The following RAD51B variants were observed in gnomAD, a reference collection of about 807,000 sequenced individuals.
RAD51B encodes the protein DNA repair protein RAD51 homolog 2.
In RAD51B, 38 loss-of-function variants were observed where a neutral mutation model predicts 42.2. The observed-to-expected ratio is 0.90, with a 90% CI of 0.70 to 1.18. RAD51B has a LOEUF of 1.18. Among genes scored for constraint, RAD51B ranks in the 50% most tolerant of loss-of-function variants. The pLI, the probability that RAD51B is intolerant of heterozygous loss-of-function variation, is 0.00. For synonymous variants in RAD51B, 154 were observed against 145.2 expected, an observed-to-expected ratio of 1.06 and a Z score of -0.43; for missense variants, 373 against 400.7, an observed-to-expected ratio of 0.93 and a Z score of 0.59.
intron 7 of RAD51B, among the ~76,000 whole-genome samples, chr14:68,101,474 A>G (rs147922557): frequency 2.5e-3 from 377 of 152,362 alleles, no homozygotes; most frequent in African/African-American, 8.8e-3. Context: ...AAATACACCC[A>G]TTCCAGATGG....
At chr14:68,383,057 T>C (rs2083514504) in intron 8 of RAD51B, among the ~76,000 whole-genome samples, 1 of 152,240 alleles carries the variant, frequency 6.6e-6, no homozygotes, top group South Asian at 2.1e-4. Flanking sequence ...ATTTTTAATT[T>C]GCTCATAAAT....
At chr14:68,653,815 C>T (rs1566964815) in intron 11 of RAD51B, among the ~76,000 whole-genome samples, 3 of 152,334 alleles carry the variant, frequency 2.0e-5, no homozygotes, top group East Asian at 1.9e-4. Flanking sequence ...AATTTTTCCA[C>T]GTAGAGACTA....
At chr14:68,332,552 C>G (rs1394246554) in intron 8 of RAD51B, among the ~76,000 whole-genome samples, 1 of 152,154 alleles carries the variant, frequency 6.6e-6, no homozygotes, top group African/African-American at 2.4e-5. Context: ...ATGGAGCAGC[C>G]TCCTGGCCTA....
chr14:68,137,868 C>T (rs1295667121), intron 7 of RAD51B, among the ~76,000 whole-genome samples: 1 of 152,202 alleles, frequency 6.6e-6, no homozygotes, highest in Non-Finnish European at 1.5e-5. Flanking sequence ...TGTGTATTCA[C>T]AGATGAGGCG....
intron 7 of RAD51B, among the ~76,000 whole-genome samples, chr14:68,014,541 T>C (rs2075743207): frequency 6.6e-6 from 1 of 152,102 alleles, no homozygotes; most frequent in South Asian, 2.1e-4. Flanking sequence ...TTTAACATCT[T>C]TTTTGAATAT....
intron 10 of RAD51B, among the ~76,000 whole-genome samples, chr14:68,510,089 G>C (rs1885619994): frequency 6.6e-6 from 1 of 152,070 alleles, no homozygotes; most frequent in African/African-American, 2.4e-5. Flanking sequence ...GTGATCCCAG[G>C]CTCCTTCAAG....
intron 11 of RAD51B, among the ~76,000 whole-genome samples, chr14:68,671,989 G>C (rs920088242): frequency 6.6e-6 from 1 of 152,104 alleles, no homozygotes; most frequent in Non-Finnish European, 1.5e-5. Flanking sequence ...AGGACAGTTG[G>C]GTGGACAGTG....
intron 7 of RAD51B, among the ~76,000 whole-genome samples, chr14:68,091,164 G>C (rs1407830189): frequency 1.3e-5 from 2 of 151,968 alleles, no homozygotes; most frequent in Non-Finnish European, 2.9e-5. Flanking sequence ...ATAAACATAC[G>C]TTTGCATGTG....
At chr14:67,976,995 G>A (rs1459176863) in intron 7 of RAD51B, among the ~76,000 whole-genome samples, 1 of 152,140 alleles carries the variant, frequency 6.6e-6, no homozygotes, top group Non-Finnish European at 1.5e-5. Context: ...TCAGAGAAAT[G>A]CAAATCAAAA....
At chr14:68,236,446 T>G (rs1415919214) in intron 7 of RAD51B, 1 of 152,204 alleles carries the variant, frequency 6.6e-6, no homozygotes, top group Non-Finnish European at 1.5e-5. Context: ...TGATCAGCAT[T>G]GTGTCCTATA....
intron 10 of RAD51B, among the ~76,000 whole-genome samples, chr14:68,629,300 T>C (rs1892170918): frequency 6.6e-6 from 1 of 152,236 alleles, no homozygotes; most frequent in South Asian, 2.1e-4. Flanking sequence ...GGTGTTTACC[T>C]GCTGCTGCAG....
chr14:67,933,053 C>T (rs1354008884), intron 7 of RAD51B, among the ~76,000 whole-genome samples: 1 of 152,198 alleles, frequency 6.6e-6, no homozygotes, highest in Non-Finnish European at 1.5e-5. Flanking sequence ...AGCTATTATG[C>T]TTACCCATCT....
chr14:67,909,466 C>A (rs1241754727), intron 7 of RAD51B, among the ~76,000 whole-genome samples: 1 of 152,118 alleles, frequency 6.6e-6, no homozygotes, highest in Non-Finnish European at 1.5e-5. Flanking sequence ...ATGAATCTTT[C>A]CTGTGACTTA....
chr14:68,120,727 T>G (rs2077635848), intron 7 of RAD51B, among the ~76,000 whole-genome samples: 1 of 152,102 alleles, frequency 6.6e-6, no homozygotes, highest in Non-Finnish European at 1.5e-5. Flanking sequence ...TAATCTCTTG[T>G]CCTGCTTGGG....
intron 10 of RAD51B, among the ~76,000 whole-genome samples, chr14:68,526,188 C>T (rs1248550194): frequency 1.3e-5 from 2 of 152,158 alleles, no homozygotes; most frequent in African/African-American, 4.8e-5. Flanking sequence ...TTGTTTCTAT[C>T]GTTGTTATTA....
intron 7 of RAD51B, among the ~76,000 whole-genome samples, chr14:67,930,339 G>A (rs569979824): frequency 6.6e-6 from 1 of 151,356 alleles, no homozygotes; most frequent in African/African-American, 2.4e-5. Context: ...GTGTGTGTGT[G>A]TGTTTTTTTT....
intron 7 of RAD51B, among the ~76,000 whole-genome samples, chr14:67,988,320 G>A (rs2075230688): frequency 1.3e-5 from 2 of 152,200 alleles, no homozygotes; most frequent in Admixed American, 6.5e-5. Flanking sequence ...TTAGCCGGGT[G>A]TGGTGGCAGG....
intron 7 of RAD51B, among the ~76,000 whole-genome samples, chr14:68,029,139 C>G (rs1456637598): frequency 6.6e-6 from 1 of 152,214 alleles, no homozygotes; most frequent in African/African-American, 2.4e-5. Flanking sequence ...TCCCAGCTTC[C>G]TGTCTCATCA....
chr14:68,561,227 T>C lies in RAD51B; in HGVS notation c.1037-33258T>C, dbSNP rs115141814. On this transcript the variant is annotated intron_variant, in intron 10 of 10. Transcript: ENST00000487270. ...TCCACAACGTCTGGTGATCAACGTA[T>C]CCTAATTCATTGGAAAGCCTAAATT... Among the ~76,000 whole-genome samples, 489 of 152,312 alleles carry C rather than the reference T, an allele frequency of 3.2e-3. 3 individuals carry two copies. Among genetic ancestry groups the C allele is most frequent in the African/African-American group, 0.011 (459 of 41,548 alleles).
Sources: gnomAD v4.1 joint callset for allele counts (sites outside exome capture counted in the v4.1 genomes callset) on GRCh38, gnomAD v4.1.1 for gene constraint, MANE v1.5 for transcripts, NCBI Gene and HGNC (gene_info 2026-07-23, HGNC 2026-07-21) for gene names.